CHD7: variants seen among roughly 807,000 people sequenced by gnomAD.
CHD7 encodes ATP-dependent chromatin remodeler CHD7.
Under a neutral mutation model 307.3 loss-of-function variants are expected in CHD7, and 24 were observed. The observed-to-expected ratio is 0.08, with a 90% CI of 0.06 to 0.11. CHD7 has a LOEUF of 0.11. CHD7 is among the 10% of genes least tolerant of loss of function. CHD7 has a pLI of 1.00. For missense variants in CHD7, 3,106 were observed against 3,727.1 expected, an observed-to-expected ratio of 0.83 and a Z score of 4.34; for synonymous variants, 1,363 against 1,349.9, an observed-to-expected ratio of 1.01 and a Z score of -0.21.
At chr8:60,853,680 T>A (rs1289006376) in intron 31 of CHD7, among the ~76,000 whole-genome samples, 180 bp downstream of exon 31, 1 of 152,228 alleles carries the variant, frequency 6.6e-6, no homozygotes, top group Non-Finnish European at 1.5e-5. Context: ...TTATAGCACC[T>A]AACCATGGTA....
intron 3 of CHD7, among the ~76,000 whole-genome samples, chr8:60,790,684 A>G (rs193297237): frequency 2.2e-4 from 34 of 152,344 alleles, no homozygotes; most frequent in African/African-American, 6.7e-4. Flanking sequence ...GTAACCTACC[A>G]GAGTAGGCTC....
Position 60,741,586 on chromosome 8 carries a change from C to T in CHD7, c.154C>T (p.Pro52Ser), listed in dbSNP as rs1203631802. ...PIDQGFASLQ[P>S]SLHHPSTNQN... is the part of the protein sequence containing the mutation. ...AGACCAAGGCTTTGCCTCTTTACAGCCATCCCTTCATCATCCTTCAACTAA... is the reference window on the plus strand; with the variant it reads ...AGACCAAGGCTTTGCCTCTTTACAGTCATCCCTTCATCATCCTTCAACTAA... Residue 52 changes from proline to serine, a missense_variant, in exon 2 of 38, where the codon CCA (proline) becomes TCA (serine). Physicochemically the swap from Pro to Ser is moderately conservative, Grantham distance 74. Around this residue, in one of 10 missense-constraint regions of CHD7, gnomAD observed 998 missense variants for 1,004.5 expected, o/e 0.99. Coordinates refer to ENST00000423902, the MANE Select transcript of CHD7 (RefSeq NM_017780.4). 1 of 1,613,606 alleles carries T rather than the reference C, an allele frequency of 6.2e-7. No individual in the cohort carries two copies. Among genetic ancestry groups the T allele is most frequent in the Non-Finnish European group, 8.5e-7 (1 of 1,179,784 alleles).
intron 34 of CHD7, among the ~76,000 whole-genome samples, chr8:60,859,174 A>T (rs1805850010): frequency 1.3e-5 from 2 of 151,984 alleles, no homozygotes; most frequent in African/African-American, 4.8e-5. Context: ...AAATGTAGGG[A>T]TTCCTCATTT....
At chr8:60,753,158 TTTAAGTAAGATGCTAAG>T (rs1388913354) in intron 2 of CHD7, among the ~76,000 whole-genome samples, 1 of 152,236 alleles carries the variant, frequency 6.6e-6, no homozygotes, top group Admixed American at 6.5e-5. Context: ...AAGTGTTTTA[TTTAAGTAAGATGCTAAG>T]TAGTATTTCA....
At chr8:60,714,164 C>A (rs996899684) in intron 1 of CHD7, among the ~76,000 whole-genome samples, 2 of 151,856 alleles carry the variant, frequency 1.3e-5, no homozygotes, top group Non-Finnish European at 2.9e-5. Flanking sequence ...GACATGAGGA[C>A]GGCGAGCGGG....
At chr8:60,689,915 G>C (rs1349762030) in intron 1 of CHD7, among the ~76,000 whole-genome samples, 4 of 152,182 alleles carry the variant, frequency 2.6e-5, no homozygotes, top group Non-Finnish European at 5.9e-5. Flanking sequence ...AATTCACTTA[G>C]CATCTTTATC....
At chr8:60,850,925 A>G (rs911684608) in intron 26 of CHD7, 107 bp from the exon 27 acceptor site, 52 of 800,260 alleles carry the variant, frequency 6.5e-5, no homozygotes, top group Non-Finnish European at 9.0e-5. Context: ...TGTCAAACCC[A>G]TAATTAAAAG....
chr8:60,679,744 C>T (rs1360393607), intron 1 of CHD7: 2 of 148,526 alleles, frequency 1.3e-5, no homozygotes, highest in East Asian at 2.0e-4. Flanking sequence ...AAGTGCGTTC[C>T]TCCCGGCGCG....
intron 1 of CHD7, among the ~76,000 whole-genome samples, chr8:60,718,108 A>G (rs1807703881): frequency 6.6e-6 from 1 of 152,158 alleles, no homozygotes; most frequent in Non-Finnish European, 1.5e-5. Context: ...GAATGTGGAG[A>G]TGGAAGACAG....
intron 2 of CHD7, among the ~76,000 whole-genome samples, chr8:60,750,448 A>G (rs1234505574): frequency 6.6e-6 from 1 of 152,208 alleles, no homozygotes; most frequent in Non-Finnish European, 1.5e-5. Flanking sequence ...TGGCTGTCCT[A>G]TCTTTGTGTA....
intron 1 of CHD7, among the ~76,000 whole-genome samples, chr8:60,721,246 A>G (rs1807888282): frequency 6.6e-6 from 1 of 152,184 alleles, no homozygotes; most frequent in Non-Finnish European, 1.5e-5. Context: ...AGTGGTCATA[A>G]GGTAGGATCC....
intron 8 of CHD7, among the ~76,000 whole-genome samples, chr8:60,816,876 G>C (rs571859776): frequency 1.1e-4 from 17 of 152,232 alleles, no homozygotes; most frequent in African/African-American, 4.1e-4. Flanking sequence ...CTTGACTTCT[G>C]TTGGGGAAAG....
At chr8:60,724,207 C>T (rs1328337262) in intron 1 of CHD7, among the ~76,000 whole-genome samples, 4 of 152,204 alleles carry the variant, frequency 2.6e-5, no homozygotes, top group Non-Finnish European at 4.4e-5. Context: ...TGTTTCTGGC[C>T]TAGGAAGACA....
At chr8:60,778,890 A>T (rs1284022427) in intron 2 of CHD7, among the ~76,000 whole-genome samples, 1 of 152,208 alleles carries the variant, frequency 6.6e-6, no homozygotes, top group Non-Finnish European at 1.5e-5. Context: ...GCCTCTGTTG[A>T]TGTGTAAGAG....
intron 2 of CHD7, among the ~76,000 whole-genome samples, chr8:60,747,115 C>T (rs1298638373): frequency 6.6e-6 from 1 of 152,194 alleles, no homozygotes; most frequent in Non-Finnish European, 1.5e-5. Context: ...CTTACTCTTT[C>T]GCCCAGGCTA....
intron 2 of CHD7, among the ~76,000 whole-genome samples, chr8:60,768,049 G>A (rs1303779461): frequency 6.6e-6 from 1 of 152,084 alleles, no homozygotes; most frequent in African/African-American, 2.4e-5. Flanking sequence ...TTGTATTCTA[G>A]TATATTTTAT....
chr8:60,769,725 T>TGAA (rs1341658334), intron 2 of CHD7, among the ~76,000 whole-genome samples: 1 of 152,220 alleles, frequency 6.6e-6, no homozygotes, highest in Admixed American at 6.5e-5. Context: ...GTCTCTTTCT[T>TGAA]GAAAGAGAAT....
intron 1 of CHD7, among the ~76,000 whole-genome samples, chr8:60,736,873 G>C (rs911298375): frequency 4.6e-5 from 7 of 152,112 alleles, no homozygotes; most frequent in Non-Finnish European, 8.8e-5. Context: ...ACGCTAAAAG[G>C]TTCTGCGTCA....
In CHD7 at chr8:60,823,949, T is replaced by C; in HGVS notation, c.3311T>C (p.Ile1104Thr). ...LRNIPWRCVVIDEAHRLKNRN... is the reference protein window; with the variant it reads ...LRNIPWRCVVTDEAHRLKNRN... Reference sequence around the variant, plus strand: ...AATATTCCATGGCGCTGTGTAGTCATTGATGAAGCCCACAGGCTGAAGAAC... The same window carrying C: ...AATATTCCATGGCGCTGTGTAGTCACTGATGAAGCCCACAGGCTGAAGAAC... Residue 1104 changes from isoleucine (I) to threonine (T), a missense_variant, in exon 13 of 38, where the codon ATT (isoleucine) becomes ACT (threonine). By Grantham distance (89) the Ile-to-Thr change is moderately conservative. This residue lies in a region of CHD7 where 232 missense variants were observed against 422.5 expected (regional missense o/e 0.55). Coordinates refer to ENST00000423902, the MANE Select transcript of CHD7 (RefSeq NM_017780.4). 1 of 1,613,880 alleles carries C rather than the reference T, an allele frequency of 6.2e-7. No homozygotes were observed. The highest frequency in any genetic ancestry group is 8.5e-7 in the Non-Finnish European group (1 of 1,179,820).
Sources: allele counts gnomAD v4.1 joint callset (sites outside exome capture counted in the v4.1 genomes callset), GRCh38; gene constraint gnomAD v4.1.1; regional missense constraint gnomAD v4.1.1; transcripts MANE v1.5; gene names NCBI Gene and HGNC (gene_info 2026-07-23, HGNC 2026-07-21).